Variants in TAF4B observed in about 807,000 individuals in gnomAD.
The protein encoded by TAF4B is transcription initiation factor TFIID subunit 4B.
In TAF4B, 38 loss-of-function variants were observed where a neutral mutation model predicts 86.4. That is an observed-to-expected ratio of 0.44 (90% confidence interval 0.34 to 0.58). The LOEUF (loss-of-function observed/expected upper bound fraction) is 0.58. Ranked by LOEUF, TAF4B falls within the 20% of genes least tolerant of loss-of-function variation. TAF4B has a pLI of 0.02. For synonymous variants in TAF4B, 388 were observed against 391.2 expected (o/e 0.99, Z 0.10); for missense variants, 988 against 1,027.6 (o/e 0.96, Z 0.53).
intron 1 of TAF4B, among the ~76,000 whole-genome samples, chr18:26,250,604 A>G (rs1421668760): frequency 6.6e-6 from 1 of 152,146 alleles, no homozygotes; most frequent in African/African-American, 2.4e-5. Flanking sequence ...TCAGCCTTCC[A>G]AAGTGCTGAG....
chr18:26,366,034 G>A (rs1315408520), intron 14 of TAF4B, among the ~76,000 whole-genome samples: 1 of 152,038 alleles, frequency 6.6e-6, no homozygotes, highest in Non-Finnish European at 1.5e-5. Context: ...CAGGTGATCC[G>A]CTGCCTCGGC....
intron 7 of TAF4B, 98 bp from the exon 8 acceptor site, chr18:26,292,148 A>G (rs1384322866): frequency 8.0e-6 from 11 of 1,370,042 alleles, no homozygotes; most frequent in South Asian, 3.2e-5. Context: ...AGGTATATTT[A>G]TGGCTGGGGG....
chr18:26,378,444 G>T (rs2144370045), intron 14 of TAF4B, among the ~76,000 whole-genome samples: 1 of 152,244 alleles, frequency 6.6e-6, no homozygotes, highest in East Asian at 1.9e-4. Flanking sequence ...TAGAATTCCA[G>T]CTTGACAAAC....
At chr18:26,282,196 G>A (rs1469670413) in intron 6 of TAF4B, 136 bp downstream of exon 6, 11 of 704,086 alleles carry the variant, frequency 1.6e-5, no homozygotes, top group Non-Finnish European at 2.6e-5. Context: ...GAGTGCTTTT[G>A]TAAGCTATAA....
intron 7 of TAF4B, among the ~76,000 whole-genome samples, chr18:26,291,433 G>A (rs538885481): frequency 6.0e-4 from 91 of 152,118 alleles, no homozygotes; most frequent in African/African-American, 2.0e-3. Context: ...CTGGGATTAC[G>A]GCTGGGATTA....
chr18:26,315,138 C>CTG (rs1568147900), intron 9 of TAF4B, 91 bp from the exon 10 acceptor site: 263 of 217,600 alleles, frequency 1.2e-3, no homozygotes, highest in African/African-American at 4.3e-3. Flanking sequence ...CTCTCTCTCT[C>CTG]TCTCTCTGTC....
At chr18:26,338,633 C>T (rs529308529) in intron 13 of TAF4B, among the ~76,000 whole-genome samples, 15 of 151,974 alleles carry the variant, frequency 9.9e-5, no homozygotes, top group African/African-American at 3.6e-4. Context: ...CATGTGCCAC[C>T]ATGCCTGGCT....
At chr18:26,329,932 G>A (rs1234429174) in intron 12 of TAF4B, among the ~76,000 whole-genome samples, 1 of 152,116 alleles carries the variant, frequency 6.6e-6, no homozygotes, top group East Asian at 1.9e-4. Context: ...AGCCCCCCAA[G>A]TAGTTGGGAA....
intron 12 of TAF4B, among the ~76,000 whole-genome samples, chr18:26,331,492 A>G (rs2057050056): frequency 6.6e-6 from 1 of 152,128 alleles, no homozygotes; most frequent in Non-Finnish European, 1.5e-5. Flanking sequence ...ACATGACTTC[A>G]CTGGCTAATA....
chr18:26,362,033 G>A (rs1029833090), intron 14 of TAF4B, among the ~76,000 whole-genome samples: 1 of 152,070 alleles, frequency 6.6e-6, no homozygotes, highest in Non-Finnish European at 1.5e-5. Flanking sequence ...GCATGTCTAA[G>A]TTCCTGACTT....
chr18:26,264,874 T>C (rs185174511), intron 1 of TAF4B, among the ~76,000 whole-genome samples: 2 of 152,360 alleles, frequency 1.3e-5, no homozygotes, highest in East Asian at 3.9e-4. Flanking sequence ...TATTCAGTCT[T>C]ATGCTGTTAA....
In TAF4B at chr18:26,357,710, A is replaced by G; in HGVS notation, c.2337A>G (p.Ala779=). The change falls in exon 14 of 15, where the codon GCA becomes GCG. Residue 779 remains alanine, a synonymous_variant. Transcript: ENST00000269142. ...TCTAGTTACAGCAATTGGAACTTGC[A>G]CAGATACAGCATAGAGACGCTAATC... ...KAKELQQLEL[A]QIQHRDANLT... 12 of 1,611,366 alleles carry G rather than the reference A, an allele frequency of 7.4e-6. No homozygotes were observed. Among genetic ancestry groups the G allele is most frequent in the Non-Finnish European group, 1.0e-5 (12 of 1,178,716 alleles).
intron 14 of TAF4B, among the ~76,000 whole-genome samples, chr18:26,373,628 A>G (rs1002752762): frequency 3.9e-5 from 6 of 152,220 alleles, no homozygotes; most frequent in Non-Finnish European, 5.9e-5. Flanking sequence ...CATCTCATCA[A>G]TACTGGATAT....
At chr18:26,352,015 A>G (rs2057249715) in intron 13 of TAF4B, among the ~76,000 whole-genome samples, 1 of 152,124 alleles carries the variant, frequency 6.6e-6, no homozygotes, top group South Asian at 2.1e-4. Context: ...AGCCGTCACT[A>G]AAAATTAATA....
In TAF4B at chr18:26,227,071, T is replaced by A. The variant is rs745916304; in HGVS notation, c.138T>A (p.Thr46=). Residue 46 remains threonine (T), a synonymous_variant, in exon 1 of 15, where the codon ACT becomes ACA. Coordinates refer to ENST00000269142, the MANE Select transcript of TAF4B (RefSeq NM_005640.3). ...CTCCGGTGGCCCTGGGCGCCGTGACTAAGGCTCCTGTCAGCGTCTGCGTGG... is the reference window on the plus strand; with the variant it reads ...CTCCGGTGGCCCTGGGCGCCGTGACAAAGGCTCCTGTCAGCGTCTGCGTGG... ...ESTPVALGAV[T]KAPVSVCVEP... 2 of 1,603,252 alleles carry A rather than the reference T, an allele frequency of 1.2e-6. No homozygotes were observed. Among genetic ancestry groups the A allele is most frequent in the Non-Finnish European group, 1.7e-6 (2 of 1,177,076 alleles).
chr18:26,249,063 T>C (rs901722165), intron 1 of TAF4B, among the ~76,000 whole-genome samples: 1 of 151,408 alleles, frequency 6.6e-6, no homozygotes, highest in Non-Finnish European at 1.5e-5. Context: ...TCCCAGCTAC[T>C]CTGGAGGCTG....
In TAF4B at chr18:26,315,254, A is replaced by G; in HGVS notation, c.1858A>G (p.Thr620Ala). ...FRDEDDINDV[T>A]SMAGVNLNEE... ...AGATGAGGATGACATCAATGATGTG[A>G]CTTCTATGGCAGGGGTCAACCTTAA... Residue 620 changes from threonine to alanine, a missense_variant, in exon 10 of 15, where the codon ACT (threonine) becomes GCT (alanine). Thr to Ala is a moderately conservative substitution (Grantham distance 58, BLOSUM62 0). Around this residue, in one of 3 missense-constraint regions of TAF4B, gnomAD observed 25 missense variants for 51.3 expected, o/e 0.49. Coordinates refer to ENST00000269142, the MANE Select transcript of TAF4B (RefSeq NM_005640.3). 6.2e-7 allele frequency: 1 copy of G among 1,609,460 alleles called. No individual in the cohort carries two copies. The highest frequency in any genetic ancestry group is 2.2e-5 in the East Asian group (1 of 44,730).
At chr18:26,301,002 C>T (rs926649290) in intron 9 of TAF4B, among the ~76,000 whole-genome samples, 1 of 152,116 alleles carries the variant, frequency 6.6e-6, no homozygotes, top group Admixed American at 6.5e-5. Flanking sequence ...GACCAAAAGA[C>T]ATAAACTCAC....
intron 9 of TAF4B, among the ~76,000 whole-genome samples, chr18:26,306,618 T>C (rs2056797330): frequency 2.6e-5 from 4 of 152,214 alleles, no homozygotes; most frequent in Admixed American, 2.0e-4. Flanking sequence ...AGCTATTTCT[T>C]AGATATTTTT....
Sources: gnomAD v4.1 joint callset for allele counts (sites outside exome capture counted in the v4.1 genomes callset) on GRCh38, gnomAD v4.1.1 for gene constraint, gnomAD v4.1.1 regional missense constraint, MANE v1.5 for transcripts, NCBI Gene and HGNC (gene_info 2026-07-23, HGNC 2026-07-21) for gene names.